The following TMC1 variants were observed in gnomAD, a reference collection of about 807,000 sequenced individuals.
TMC1 encodes transmembrane channel-like protein 1.
Under a neutral mutation model 105.8 loss-of-function variants are expected in TMC1, and 84 were observed. That is an observed-to-expected ratio of 0.79 (90% CI 0.67 to 0.95). The LOEUF is 0.95. Among genes scored for constraint, TMC1 ranks in the 40% least tolerant of loss-of-function variants. The pLI, the probability that TMC1 is intolerant of heterozygous loss-of-function variation, is 0.00. For missense variants in TMC1, 817 were observed against 914.1 expected (o/e 0.89, Z 1.37); for synonymous variants, 315 against 311.5 (o/e 1.01, Z -0.12).
At chr9:72,822,757 G>A (rs919407057) in intron 20 of TMC1, among the ~76,000 whole-genome samples, 7 of 152,184 alleles carry the variant, frequency 4.6e-5, no homozygotes, top group African/African-American at 1.4e-4. Context: ...AAGTTTAGGT[G>A]TGCATTAAGC....
At chr9:72,748,630 AT>A (rs1323033935) in intron 10 of TMC1, among the ~76,000 whole-genome samples, 1 of 152,136 alleles carries the variant, frequency 6.6e-6, no homozygotes, top group Non-Finnish European at 1.5e-5. Flanking sequence ...CTAATCAGGC[AT>A]TTCTTTTTAG....
rs188065546 is a variant in TMC1 at position 72,615,279 on chromosome 9, T to G, written c.-305-1089T>G. Among the ~76,000 whole-genome samples, 11 of 152,280 alleles carry G rather than the reference T, an allele frequency of 7.2e-5. No individual in the cohort carries two copies. In the East Asian group the frequency reaches 1.5e-3, roughly 21 times the overall value. ...ATTATTGTCATCTCCATTTTATAGA[T>G]GAAGAAAACTGAGTCATAAAGAGGT... On this transcript the variant is annotated intron_variant, in intron 2 of 23. Transcript: ENST00000297784.
chr9:72,808,418 C>A (rs1564569469), intron 18 of TMC1, among the ~76,000 whole-genome samples: 1 of 152,230 alleles, frequency 6.6e-6, no homozygotes, highest in Non-Finnish European at 1.5e-5. Flanking sequence ...ACCACCTATT[C>A]TAATGTAGCC....
At chr9:72,653,968 T>C (rs187804354) in intron 5 of TMC1, among the ~76,000 whole-genome samples, 130 of 152,346 alleles carry the variant, frequency 8.5e-4, no homozygotes, top group South Asian at 1.2e-3. Context: ...GTATCAATAA[T>C]TTGTTTCTTT....
chr9:72,571,528 C>T (rs1259961813), intron 1 of TMC1, among the ~76,000 whole-genome samples: 1 of 149,894 alleles, frequency 6.7e-6, no homozygotes, highest in African/African-American at 2.5e-5. Context: ...GCTCACTGCA[C>T]CTCCACCTCC....
chr9:72,532,586 A>C (rs1363988033), intron 1 of TMC1, among the ~76,000 whole-genome samples: 1 of 133,038 alleles, frequency 7.5e-6, no homozygotes, highest in Non-Finnish European at 1.6e-5. Context: ...AAAAAAAAAA[A>C]ACTTTACCGG....
intron 1 of TMC1, among the ~76,000 whole-genome samples, chr9:72,547,074 G>A (rs935226282): frequency 1.3e-5 from 2 of 152,080 alleles, no homozygotes; most frequent in South Asian, 4.1e-4. Flanking sequence ...ATCACCTGAG[G>A]TCAGGAGTTT....
chr9:72,671,850 A>T (rs759543681), intron 5 of TMC1, among the ~76,000 whole-genome samples: 1 of 152,234 alleles, frequency 6.6e-6, no homozygotes, highest in Non-Finnish European at 1.5e-5. Flanking sequence ...AATGACAGGG[A>T]GTATCAATCA....
chr9:72,760,784 G>A (rs1160127145), intron 12 of TMC1, among the ~76,000 whole-genome samples: 1 of 152,112 alleles, frequency 6.6e-6, no homozygotes, highest in African/African-American at 2.4e-5. Flanking sequence ...CCTATTGGAT[G>A]GGAAGGATCA....
At chr9:72,770,385 T>TTATA (rs35701289) in intron 12 of TMC1, among the ~76,000 whole-genome samples, 27 of 141,360 alleles carry the variant, frequency 1.9e-4, no homozygotes, top group Admixed American at 6.4e-4. Context: ...ATATAAATCT[T>TTATA]TATATATATA....
chr9:72,747,981 A>C (rs764826827), intron 10 of TMC1, among the ~76,000 whole-genome samples: 6 of 152,240 alleles, frequency 3.9e-5, no homozygotes, highest in Non-Finnish European at 8.8e-5. Flanking sequence ...CATTATGGGC[A>C]TCAAATTTGT....
chr9:72,683,160 C>G (rs1826315038), intron 5 of TMC1, among the ~76,000 whole-genome samples: 1 of 152,104 alleles, frequency 6.6e-6, no homozygotes, highest in African/African-American at 2.4e-5. Context: ...GGAGATGATG[C>G]CTGAATATGA....
intron 2 of TMC1, among the ~76,000 whole-genome samples, chr9:72,589,938 C>T (rs1256874047): frequency 6.6e-6 from 1 of 152,172 alleles, no homozygotes; most frequent in East Asian, 1.9e-4. Flanking sequence ...CACTGATGAA[C>T]TGCAGGGTAT....
chr9:72,607,002 T>TATATAG (rs372785242), intron 2 of TMC1, among the ~76,000 whole-genome samples: 72 of 134,968 alleles, frequency 5.3e-4, no homozygotes, highest in African/African-American at 1.8e-3. Context: ...TATATATATA[T>TATATAG]AGAGAGAGAG....
At chr9:72,583,118 A>G (rs1824499410) in intron 2 of TMC1, among the ~76,000 whole-genome samples, 1 of 152,158 alleles carries the variant, frequency 6.6e-6, no homozygotes, top group African/African-American at 2.4e-5. Context: ...GCTACTCAGG[A>G]GGCTGAGGTA....
intron 1 of TMC1, among the ~76,000 whole-genome samples, chr9:72,537,385 C>G (rs533402175): frequency 2.6e-5 from 4 of 152,206 alleles, no homozygotes; most frequent in Admixed American, 6.5e-5. Context: ...TGAAAACACT[C>G]TTTCTTCATC....
intron 8 of TMC1, among the ~76,000 whole-genome samples, chr9:72,715,069 C>A (rs148259705): frequency 0.017 from 2,577 of 152,244 alleles, 65 homozygotes; most frequent in African/African-American, 0.059. Context: ...AAATTATTTT[C>A]TTTAAGAATG....
At chr9:72,818,818 A>C (rs566940865) in intron 19 of TMC1, 18 of 152,156 alleles carry the variant, frequency 1.2e-4, no homozygotes, top group Non-Finnish European at 2.2e-4. Flanking sequence ...TAACATTCGG[A>C]TATTATTATG....
chr9:72,779,095 G>A (rs1828051536), intron 13 of TMC1, among the ~76,000 whole-genome samples: 1 of 152,194 alleles, frequency 6.6e-6, no homozygotes, highest in Admixed American at 6.5e-5. Context: ...CACAGCAGGT[G>A]TTTAACCTTG....
Sources: gnomAD v4.1 joint callset for allele counts (sites outside exome capture counted in the v4.1 genomes callset) on GRCh38, gnomAD v4.1.1 for gene constraint, MANE v1.5 for transcripts, NCBI Gene and HGNC (gene_info 2026-07-23, HGNC 2026-07-21) for gene names.